The following GCLC variants were observed in gnomAD, a reference collection of about 807,000 sequenced individuals.
GCLC encodes glutamate-cysteine ligase catalytic subunit, also known as glutamate--cysteine ligase catalytic subunit.
GCLC carries 30 observed loss-of-function variants against 81.5 expected under a neutral mutation model. The ratio of observed to expected loss-of-function variants is 0.37; its 90% CI spans 0.28 to 0.50. The LOEUF is 0.50. Ranked by LOEUF, GCLC falls within the 20% of genes least tolerant of loss-of-function variation. GCLC has a pLI of 0.96. For missense variants in GCLC, 556 were observed against 777.4 expected (o/e 0.72, Z 3.39); for synonymous variants, 262 against 273.3 (o/e 0.96, Z 0.41).
rs762294891 is a variant in GCLC, at chr6:53,509,191, A to C, written c.813T>G (p.Thr271=). The C allele has an allele frequency of 6.3e-7, 1 of 1,589,912 alleles. No homozygotes were observed. The highest frequency in any genetic ancestry group is 1.7e-5 in the Admixed American group (1 of 59,986). The part of the protein sequence containing the change: ...EARYLYDQLA[T]ICPIVMALSA... The stretch of plus-strand genomic sequence containing the variant: ...TTCTACTTACAACAATTGGACAGAT[A>C]GTAGCCAACTGATCATAAAGGTATC... Residue 271 remains threonine (T), a synonymous_variant, in exon 7 of 16, where the codon ACT becomes ACG. Coordinates refer to ENST00000650454, the MANE Select transcript of GCLC (RefSeq NM_001498.4).
At chr6:53,542,643 T>C (rs1239548087) in intron 1 of GCLC, among the ~76,000 whole-genome samples, 3 of 152,114 alleles carry the variant, frequency 2.0e-5, no homozygotes, top group Non-Finnish European at 4.4e-5. Flanking sequence ...AAATTTCCTG[T>C]TGATGTAGTT....
chr6:53,533,796 T>C lies in GCLC; in HGVS notation c.150+10700A>G, dbSNP rs1000174717. 4.1e-5 allele frequency among the ~76,000 whole-genome samples: 6 copies of C among 145,186 alleles called. No homozygotes were observed. The South Asian group carries it at 1.4e-3, about 33-fold the overall frequency. On this transcript the variant is annotated intron_variant, in intron 1 of 15. Coordinates refer to ENST00000650454, the MANE Select transcript of GCLC (RefSeq NM_001498.4). The stretch of plus-strand genomic sequence containing the variant: ...AAGAATTTAAGTTCTGTTTTTCTTT[T>C]CTTTTTTTTTTTTTTGAGACGGAGT...
At chr6:53,528,288 T>G (rs1763116879) in intron 1 of GCLC, among the ~76,000 whole-genome samples, 1 of 152,224 alleles carries the variant, frequency 6.6e-6, no homozygotes, top group Non-Finnish European at 1.5e-5. Context: ...TGGACTCCCA[T>G]GTTAGATATG....
At chr6:53,518,395 C>T (rs1378329498) in intron 3 of GCLC, among the ~76,000 whole-genome samples, 3 of 152,066 alleles carry the variant, frequency 2.0e-5, no homozygotes, top group Admixed American at 1.3e-4. Context: ...GGATTACAGG[C>T]GCATGCCACC....
At chr6:53,507,695 T>C in intron 8 of GCLC, 77 bp from the exon 9 acceptor site, 4 of 621,538 alleles carry the variant, frequency 6.4e-6, no homozygotes, top group African/African-American at 1.9e-5. Context: ...GATAATTATA[T>C]AAAAACCTCA....
At chr6:53,536,262 G>C (rs1763255533) in intron 1 of GCLC, among the ~76,000 whole-genome samples, 1 of 152,148 alleles carries the variant, frequency 6.6e-6, no homozygotes, top group Non-Finnish European at 1.5e-5. Flanking sequence ...TGAAAATCTA[G>C]AAAATGCAAA....
At position 53,544,801 on chromosome 6, in the gene GCLC, C is replaced by G. The variant is rs886898873; in HGVS notation, c.-156G>C. ...GTCGGCGGAGGGAGGGTCCTGCCCG[C>G]TCCGGCTCCCCGGCGGCGGCCCCTG... On this transcript the variant is annotated 5_prime_UTR_variant, in exon 1 of 16. Coordinates refer to ENST00000650454, the MANE Select transcript of GCLC (RefSeq NM_001498.4). 1.6e-6 allele frequency: 1 copy of G among 617,270 alleles called. No homozygotes were observed. The allele number at this position is 617,270 out of a possible 1,614,324, so 38.2% of individuals were successfully genotyped here.
At chr6:53,544,389 A>G in intron 1 of GCLC, 107 bp downstream of exon 1, 2 of 1,173,630 alleles carry the variant, frequency 1.7e-6, no homozygotes, top group South Asian at 1.3e-5. Context: ...CCCCGGGCGC[A>G]GTGGAGAACG....
At chr6:53,509,505 A>C (rs1764692334) in intron 6 of GCLC, 4 of 566,466 alleles carry the variant, frequency 7.1e-6, no homozygotes, top group Non-Finnish European at 1.3e-5. Context: ...AAGATTAAAT[A>C]GTCAAAAAAG....
In GCLC at chr6:53,506,562, A is replaced by G. The variant is rs1300999858; in HGVS notation, c.1197+351T>C. On this transcript the variant is annotated intron_variant, in intron 10 of 15. Coordinates refer to ENST00000650454, the MANE Select transcript of GCLC (RefSeq NM_001498.4). The surrounding 1 kb of genome is among the most constrained non-coding windows in gnomAD (Gnocchi z 4.0). ...TCTATCTACAAAAAAAAAAGGTGATATGTCTGAAGCACTGAAATAACTGAT... is the reference window on the plus strand; with the variant it reads ...TCTATCTACAAAAAAAAAAGGTGATGTGTCTGAAGCACTGAAATAACTGAT... The G allele has an allele frequency of 1.5e-5, 4 of 261,210 alleles. No homozygotes were observed. Among genetic ancestry groups the G allele is most frequent in the African/African-American group, 9.2e-5 (4 of 43,244 alleles). The allele number at this position is 261,210 out of a possible 1,614,324, so 16.2% of individuals were successfully genotyped here.
chr6:53,543,703 T>A (rs929872894), intron 1 of GCLC, among the ~76,000 whole-genome samples: 1 of 152,202 alleles, frequency 6.6e-6, no homozygotes, highest in Non-Finnish European at 1.5e-5. Flanking sequence ...TGACACTAAA[T>A]CAACAGTTTT....
chr6:53,540,322 C>CA (rs35612064), intron 1 of GCLC, among the ~76,000 whole-genome samples: 52,366 of 123,094 alleles, frequency 0.43, 10,837 homozygotes, highest in Admixed American at 0.51. Flanking sequence ...TATTCAGCCT[C>CA]AAAAAAGAAA....
At position 53,498,505 on chromosome 6, in the gene GCLC, A is replaced by C. The variant is rs1369908119; in HGVS notation, c.*251T>G. The C allele has an allele frequency of 8.2e-6, 4 of 486,174 alleles. No individual in the cohort carries two copies. The highest frequency in any genetic ancestry group is 5.8e-5 in the African/African-American group (3 of 51,706). 30.1% of individuals were successfully genotyped at this position (486,174 alleles called of 1,614,324 possible). ...CCAGAGTAAGAATTTAAAAATGTACAAGCCAGTTCATGATGACTTTAGATA... is the reference window on the plus strand; with the variant it reads ...CCAGAGTAAGAATTTAAAAATGTACCAGCCAGTTCATGATGACTTTAGATA... On this transcript the variant is annotated 3_prime_UTR_variant, in exon 16 of 16. Transcript: ENST00000650454.
intron 8 of GCLC, 45 bp from the exon 9 acceptor site, chr6:53,507,663 A>G: frequency 1.2e-6 from 1 of 819,244 alleles, no homozygotes. Flanking sequence ...ATATAAAATG[A>G]GTGGAATATA....
At position 53,500,241 on chromosome 6, in the gene GCLC, T is replaced by A; in HGVS notation, c.1581+6A>T. 1 of 1,613,536 alleles carries A rather than the reference T, an allele frequency of 6.2e-7. No individual in the cohort carries two copies. Among genetic ancestry groups the A allele is most frequent in the South Asian group, 1.1e-5 (1 of 91,076 alleles). ...TGAGGGGTACTGTACAGGGCCACCC[T>A]CCTACCTTCCCATTGATGATGGTGT... On this transcript the variant is annotated splice_donor_region_variant and intron_variant, in intron 14 of 15. Transcript: ENST00000650454.
Position 53,505,855 on chromosome 6 carries a change from G to A in GCLC, c.1238C>T (p.Pro413Leu), listed in dbSNP as rs1367872515. 1 of 1,612,160 alleles carries A rather than the reference G, an allele frequency of 6.2e-7. No individual in the cohort carries two copies. The highest frequency in any genetic ancestry group is 8.5e-7 in the Non-Finnish European group (1 of 1,178,282). Residue 413 changes from proline (P) to leucine (L), a missense_variant, in exon 11 of 16, where the codon CCC becomes CTC. This residue lies in a region of GCLC where 313 missense variants were observed against 437.3 expected (regional missense o/e 0.72). Transcript: ENST00000650454. ...STNWQTMRFK[P>L]PPPNSDIGWR... The stretch of plus-strand genomic sequence containing the variant: ...TCCAATGTCTGAGTTTGGAGGAGGG[G>A]GCTTAAATCTCATTGTCTGCCAATT...
intron 6 of GCLC, 61 bp downstream of exon 6, chr6:53,514,143 A>C (rs1764811838): frequency 1.2e-5 from 19 of 1,524,146 alleles, no homozygotes; most frequent in Non-Finnish European, 1.7e-5. Context: ...TGCATATATA[A>C]AGAAGTTAAA....
chr6:53,522,319 T>TTAA, intron 2 of GCLC, 96 bp downstream of exon 2: 1 of 783,406 alleles, frequency 1.3e-6, no homozygotes, highest in Non-Finnish European at 2.3e-6. Flanking sequence ...TACTCTTAAC[T>TTAA]GTTAGGCTAT....
At chr6:53,518,824 T>G (rs1197375493) in intron 3 of GCLC, among the ~76,000 whole-genome samples, 1 of 152,226 alleles carries the variant, frequency 6.6e-6, no homozygotes, top group Non-Finnish European at 1.5e-5. Flanking sequence ...TCCAGTTCAC[T>G]AGAAGTTGTC....
Sources: gnomAD v4.1 joint callset for allele counts (sites outside exome capture counted in the v4.1 genomes callset) on GRCh38, gnomAD v4.1.1 for gene constraint, gnomAD v4.1.1 regional missense constraint, Gnocchi (gnomAD v3.1) non-coding constraint, MANE v1.5 for transcripts, NCBI Gene and HGNC (gene_info 2026-07-23, HGNC 2026-07-21) for gene names.